CSMD1: variants seen among roughly 807,000 people sequenced by gnomAD.
The protein encoded by CSMD1 is CUB and Sushi multiple domains 1.
CSMD1 carries 213 observed loss-of-function variants against 417.5 expected under a neutral mutation model. The observed-to-expected ratio is 0.51, with a 90% CI of 0.46 to 0.57. CSMD1 has a LOEUF of 0.57. Among genes scored for constraint, CSMD1 ranks in the 20% least tolerant of loss-of-function variants. The probability of loss-of-function intolerance (pLI) is 0.00; values close to 1 mark genes in which losing one functional copy is unlikely to be tolerated. For missense variants in CSMD1, 6,923 were observed against 4,529.7 expected, an observed-to-expected ratio of 1.53 and a Z score of -15.17; for synonymous variants, 2,862 against 1,736.8, an observed-to-expected ratio of 1.65 and a Z score of -16.11.
At chr8:4,298,979 G>T (rs1012018176) in intron 3 of CSMD1, among the ~76,000 whole-genome samples, 11 of 151,916 alleles carry the variant, frequency 7.2e-5, no homozygotes, top group African/African-American at 2.7e-4. Context: ...CAATGAAAGT[G>T]TTGCTTTGCA....
chr8:4,177,781 A>G (rs866808118), intron 3 of CSMD1, among the ~76,000 whole-genome samples: 31 of 151,962 alleles, frequency 2.0e-4, no homozygotes, highest in Admixed American at 3.9e-4. Flanking sequence ...ACAAACTGCC[A>G]TCAGAGAATA....
intron 1 of CSMD1, among the ~76,000 whole-genome samples, chr8:4,894,618 C>G (rs549718108): frequency 2.6e-5 from 4 of 151,778 alleles, no homozygotes; most frequent in African/African-American, 9.7e-5. Flanking sequence ...TTCTATCCAC[C>G]CATTATCATT....
At chr8:4,116,175 G>C (rs906986370) in intron 3 of CSMD1, among the ~76,000 whole-genome samples, 1 of 152,008 alleles carries the variant, frequency 6.6e-6, no homozygotes, top group African/African-American at 2.4e-5. Context: ...TGTATTTTTA[G>C]TACAGACGGG....
chr8:3,741,800 A>G (rs139062000), intron 6 of CSMD1, among the ~76,000 whole-genome samples: 77 of 152,272 alleles, frequency 5.1e-4, no homozygotes, highest in African/African-American at 1.8e-3. Flanking sequence ...ATGACCCTCC[A>G]TGGCCCTTCT....
chr8:3,917,835 G>A (rs1179606052), intron 5 of CSMD1, among the ~76,000 whole-genome samples: 2 of 151,846 alleles, frequency 1.3e-5, no homozygotes, highest in African/African-American at 4.8e-5. Context: ...TGCGGTAAAA[G>A]CACATAAGAT....
At chr8:3,724,735 A>T (rs998900399) in intron 6 of CSMD1, among the ~76,000 whole-genome samples, 1 of 152,198 alleles carries the variant, frequency 6.6e-6, no homozygotes, top group Non-Finnish European at 1.5e-5. Flanking sequence ...TCTAAGTGAA[A>T]ATTAGTATTT....
At chr8:4,405,876 G>A (rs980278622) in intron 3 of CSMD1, among the ~76,000 whole-genome samples, 4 of 152,152 alleles carry the variant, frequency 2.6e-5, no homozygotes, top group Non-Finnish European at 5.9e-5. Context: ...AGAAATGCAT[G>A]TGGTTATTTT....
chr8:3,273,677 A>C (rs1166520221), intron 26 of CSMD1, among the ~76,000 whole-genome samples: 1 of 152,228 alleles, frequency 6.6e-6, no homozygotes. Context: ...GTATGTGTCC[A>C]GGAATTTATC....
chr8:3,323,074 A>G (rs74912370), intron 23 of CSMD1, among the ~76,000 whole-genome samples: 7,029 of 152,222 alleles, frequency 0.046, 358 homozygotes, highest in East Asian at 0.22. Context: ...TAAATTATGC[A>G]GTTTTAAAAA....
At chr8:3,187,708 G>C (rs17319192) in intron 36 of CSMD1, among the ~76,000 whole-genome samples, 161 bp downstream of exon 36, 2 of 151,932 alleles carry the variant, frequency 1.3e-5, no homozygotes, top group Non-Finnish European at 2.9e-5. Context: ...CCTGTTTCTT[G>C]ATGGTCTTAC....
chr8:3,411,807 C>T (rs550414085), intron 12 of CSMD1, among the ~76,000 whole-genome samples: 167 of 105,504 alleles, frequency 1.6e-3, no homozygotes, highest in East Asian at 0.012. Flanking sequence ...TATATATACA[C>T]GTATATATAC....
chr8:4,090,537 TG>T (rs1800662649), intron 3 of CSMD1, among the ~76,000 whole-genome samples: 2 of 152,234 alleles, frequency 1.3e-5, no homozygotes. Context: ...CTTCATGTCT[TG>T]GATTATCTTG....
At chr8:4,629,756 G>T (rs1478280) in intron 2 of CSMD1, among the ~76,000 whole-genome samples, 106,405 of 151,988 alleles carry the variant, frequency 0.7, 37,896 homozygotes, top group Admixed American at 0.8. Flanking sequence ...ATTTACTATT[G>T]TATAAAACAG....
At chr8:4,774,319 T>A (rs1211718510) in intron 1 of CSMD1, among the ~76,000 whole-genome samples, 1 of 152,182 alleles carries the variant, frequency 6.6e-6, no homozygotes, top group Non-Finnish European at 1.5e-5. Flanking sequence ...TTATAGTAAT[T>A]GAGGGCAGGT....
At chr8:3,030,499 C>T (rs562954770) in intron 50 of CSMD1, among the ~76,000 whole-genome samples, 1 of 152,048 alleles carries the variant, frequency 6.6e-6, no homozygotes, top group South Asian at 2.1e-4. Flanking sequence ...CAAAGTCTCG[C>T]TCTCTGTCTC....
intron 6 of CSMD1, among the ~76,000 whole-genome samples, chr8:3,710,473 G>A (rs1284029640): frequency 6.6e-6 from 1 of 152,146 alleles, no homozygotes; most frequent in Non-Finnish European, 1.5e-5. Context: ...GACTGTGTGT[G>A]GCAGTGATTG....
intron 10 of CSMD1, among the ~76,000 whole-genome samples, chr8:3,556,134 G>C (rs943264762): frequency 6.6e-6 from 1 of 151,966 alleles, no homozygotes; most frequent in Non-Finnish European, 1.5e-5. Context: ...GCACAAAACA[G>C]AGGAACTATT....
chr8:3,666,740 T>C (rs780833656), intron 7 of CSMD1, among the ~76,000 whole-genome samples: 1 of 152,200 alleles, frequency 6.6e-6, no homozygotes, highest in South Asian at 2.1e-4. Flanking sequence ...TTGGCTCTCA[T>C]TCTGTCTTCT....
In CSMD1 at chr8:3,791,686, G is replaced by C. The variant is rs571698453; in HGVS notation, c.819-37644C>G. Among the ~76,000 whole-genome samples the C allele has an allele frequency of 1.7e-3, 261 of 152,246 alleles. 4 individuals are homozygous for C. The highest frequency in any genetic ancestry group is 7.4e-5 in the Non-Finnish European group (5 of 68,020). On this transcript the variant is annotated intron_variant, in intron 5 of 69. Coordinates refer to ENST00000635120, the MANE Select transcript of CSMD1 (RefSeq NM_033225.6). ...AAAAGCACAAAAATTAGCTGGGCAC[G>C]ATGGTGGGTACCTGTAATCCCAGCA...
Sources: allele counts gnomAD v4.1 joint callset (sites outside exome capture counted in the v4.1 genomes callset), GRCh38; gene constraint gnomAD v4.1.1; transcripts MANE v1.5; gene names NCBI Gene and HGNC (gene_info 2026-07-23, HGNC 2026-07-21).